TNNI3K: variants seen among roughly 807,000 people sequenced by gnomAD.
TNNI3K encodes the protein serine/threonine-protein kinase TNNI3K.
A neutral mutation model predicts 114.5 loss-of-function variants in TNNI3K; 140 were observed. The observed-to-expected ratio is 1.22, with a 90% CI of 1.07 to 1.41. The LOEUF is 1.41. TNNI3K is among the 40% of genes most tolerant of loss of function. TNNI3K has a pLI of 0.00. For synonymous variants in TNNI3K, 347 were observed against 347.5 expected (o/e 1.00, Z 0.02); for missense variants, 1,125 against 1,007.6 (o/e 1.12, Z -1.58).
In TNNI3K at chr1:74,253,688, G is replaced by C. The variant is rs115171240; in HGVS notation, c.333+2919G>C. Among the ~76,000 whole-genome samples the C allele has an allele frequency of 5.7e-3, 871 of 152,102 alleles. 10 individuals carry two copies. Among genetic ancestry groups the C allele is most frequent in the African/African-American group, 0.02 (819 of 41,508 alleles). ...GCCCACCCAGAACTCTAGCTGGGCC[G>C]CAAGCCCCGCCGTGCGGCCCCAGTT... On this transcript the variant is annotated intron_variant, in intron 4 of 24. Transcript: ENST00000326637.
In TNNI3K at chr1:74,436,144, C is replaced by G. The variant is rs964326677; in HGVS notation, c.1825+12C>G. On this transcript the variant is annotated intron_variant, in intron 18 of 24. Transcript: ENST00000326637. The stretch of plus-strand genomic sequence containing the variant: ...GGCAGATTTTGGAGGTGAGATACCC[C>G]AAAATGGCATCCTTTTTTTCTTTGT... The G allele has an allele frequency of 6.2e-7, 1 of 1,609,370 alleles. No homozygotes were observed. The highest frequency in any genetic ancestry group is 1.1e-5 in the South Asian group (1 of 90,838).
At chr1:74,486,756 G>A (rs1252595366) in intron 21 of TNNI3K, among the ~76,000 whole-genome samples, 1 of 151,914 alleles carries the variant, frequency 6.6e-6, no homozygotes, top group Non-Finnish European at 1.5e-5. Flanking sequence ...AGATAAGGAG[G>A]AGAGATGAAA....
At chr1:74,241,625 T>C (rs955751365) in intron 2 of TNNI3K, among the ~76,000 whole-genome samples, 1 of 152,128 alleles carries the variant, frequency 6.6e-6, no homozygotes, top group Non-Finnish European at 1.5e-5. Flanking sequence ...GTTGATGGGG[T>C]TGTTTTTTTC....
At chr1:74,309,381 A>AAAAAAAAAAAAG (rs1553129785) in intron 5 of TNNI3K, among the ~76,000 whole-genome samples, 11 of 144,026 alleles carry the variant, frequency 7.6e-5, no homozygotes, top group African/African-American at 2.7e-4. Flanking sequence ...AAAAAAAAAA[A>AAAAAAAAAAAAG]GAAGAGATAA....
At chr1:74,524,294 A>T (rs1361343626) in intron 23 of TNNI3K, among the ~76,000 whole-genome samples, 1 of 152,236 alleles carries the variant, frequency 6.6e-6, no homozygotes, top group Admixed American at 6.5e-5. Flanking sequence ...TTATGGTAAC[A>T]TGCAAAGTGA....
intron 17 of TNNI3K, among the ~76,000 whole-genome samples, chr1:74,394,344 C>T (rs1030255198): frequency 4.6e-5 from 7 of 152,100 alleles, no homozygotes; most frequent in Non-Finnish European, 7.4e-5. Flanking sequence ...TCTTTTAGAG[C>T]GTGCTTAACC....
chr1:74,517,822 G>A (rs1646370854), intron 23 of TNNI3K, among the ~76,000 whole-genome samples: 1 of 152,096 alleles, frequency 6.6e-6, no homozygotes, highest in African/African-American at 2.4e-5. Context: ...ATTTTTTAAG[G>A]CAAAAACTGC....
intron 5 of TNNI3K, among the ~76,000 whole-genome samples, chr1:74,305,334 G>A (rs887493436): frequency 1.2e-4 from 18 of 152,168 alleles, no homozygotes; most frequent in African/African-American, 4.1e-4. Flanking sequence ...GGATCAGGAG[G>A]TTTTTGGAAC....
chr1:74,340,849 T>G (rs1022919790), intron 7 of TNNI3K, among the ~76,000 whole-genome samples: 1 of 152,140 alleles, frequency 6.6e-6, no homozygotes, highest in Non-Finnish European at 1.5e-5. Flanking sequence ...AAAGCTTTTT[T>G]AAAAGGGAGA....
At chr1:74,455,771 G>T (rs1268364013) in intron 20 of TNNI3K, among the ~76,000 whole-genome samples, 1 of 152,184 alleles carries the variant, frequency 6.6e-6, no homozygotes, top group African/African-American at 2.4e-5. Context: ...CCCTTCCTCT[G>T]CCTCCTCATT....
intron 17 of TNNI3K, chr1:74,418,143 C>A: frequency 2.2e-6 from 1 of 451,458 alleles, no homozygotes; most frequent in Non-Finnish European, 4.4e-6. Context: ...GGTAGGAGGT[C>A]TTTCCTTTTC....
intron 11 of TNNI3K, among the ~76,000 whole-genome samples, chr1:74,360,392 A>G (rs1029094028): frequency 5.3e-5 from 8 of 151,998 alleles, no homozygotes; most frequent in Non-Finnish European, 1.0e-4. Context: ...CTCCTGTTAC[A>G]TGGGCAACCC....
chr1:74,294,060 T>G (rs943073640), intron 5 of TNNI3K, among the ~76,000 whole-genome samples: 7 of 151,808 alleles, frequency 4.6e-5, no homozygotes, highest in African/African-American at 1.4e-4. Context: ...ATGTCATTTT[T>G]ATACTCGTTG....
In TNNI3K at chr1:74,530,323, C is replaced by T. The variant is rs562133856; in HGVS notation, c.2352-9911C>T. Among the ~76,000 whole-genome samples the T allele has an allele frequency of 2.0e-5, 3 of 152,324 alleles. No individual in the cohort carries two copies. In the South Asian group the frequency reaches 6.2e-4, roughly 32 times the overall value. On this transcript the variant is annotated intron_variant, in intron 23 of 24. Transcript: ENST00000326637. The stretch of plus-strand genomic sequence containing the variant: ...GCCAACAGGTTTAAGTTGAGAAAGA[C>T]TTAATAACTGCCTGGCTTAGGTTTG...
intron 21 of TNNI3K, chr1:74,475,846 C>T: frequency 1.9e-6 from 1 of 538,076 alleles, no homozygotes; most frequent in Non-Finnish European, 3.4e-6. Context: ...AAGATAACAT[C>T]TTGGGAAGAA....
Position 74,494,187 on chromosome 1 carries a change from C to A in TNNI3K, c.2351+1921C>A, listed in dbSNP as rs151219191. The stretch of plus-strand genomic sequence containing the variant: ...TACACATGCACACTCACACCCACAC[C>A]TGCATATACATACACACTCATACAC... On this transcript the variant is annotated intron_variant, in intron 23 of 24. Transcript: ENST00000326637. Among the ~76,000 whole-genome samples, 249 of 152,284 alleles carry A rather than the reference C, an allele frequency of 1.6e-3. 3 individuals are homozygous for A. The East Asian group carries it at 0.045, about 28-fold the overall frequency.
At chr1:74,281,666 A>G (rs1411654772) in intron 5 of TNNI3K, among the ~76,000 whole-genome samples, 1 of 152,020 alleles carries the variant, frequency 6.6e-6, no homozygotes, top group Non-Finnish European at 1.5e-5. Flanking sequence ...CAGGTATTTT[A>G]TCTTTTCATT....
chr1:74,490,257 A>G (rs1320447624), intron 22 of TNNI3K, among the ~76,000 whole-genome samples: 1 of 152,176 alleles, frequency 6.6e-6, no homozygotes, highest in African/African-American at 2.4e-5. Context: ...ACTGGGACTT[A>G]CAGAAAGTGG....
At chr1:74,333,586 T>C (rs1296038572) in intron 6 of TNNI3K, among the ~76,000 whole-genome samples, 1 of 152,222 alleles carries the variant, frequency 6.6e-6, no homozygotes, top group Non-Finnish European at 1.5e-5. Context: ...GGATGGCCTT[T>C]TTATGATAAG....
Sources: allele counts gnomAD v4.1 joint callset (sites outside exome capture counted in the v4.1 genomes callset), GRCh38; gene constraint gnomAD v4.1.1; transcripts MANE v1.5; gene names NCBI Gene and HGNC (gene_info 2026-07-23, HGNC 2026-07-21).